The following MCF2L2 variants were observed in gnomAD, a reference collection of about 807,000 sequenced individuals.
The protein encoded by MCF2L2 is MCF.2 cell line derived transforming sequence-like 2.
In MCF2L2, 102 loss-of-function variants were observed where a neutral mutation model predicts 150.2. The observed-to-expected ratio is 0.68, with a 90% CI of 0.58 to 0.80. MCF2L2 has a LOEUF of 0.80. MCF2L2 is among the 30% of genes least tolerant of loss of function. MCF2L2 has a pLI of 0.00. For synonymous variants in MCF2L2, 465 were observed against 491.3 expected (o/e 0.95, Z 0.71); for missense variants, 1,256 against 1,372.8 (o/e 0.91, Z 1.34).
At position 183,297,018 on chromosome 3, in the gene MCF2L2, C is replaced by T. The variant is rs1193894302; in HGVS notation, c.1455G>A (p.Glu485=). 1 of 1,614,092 alleles carries T rather than the reference C, an allele frequency of 6.2e-7. No homozygotes were observed. The highest frequency in any genetic ancestry group is 8.5e-7 in the Non-Finnish European group (1 of 1,179,996). The change falls in exon 12 of 30, where the codon GAG becomes GAA. Residue 485 remains glutamate (E), a synonymous_variant. Coordinates refer to ENST00000328913, the MANE Select transcript of MCF2L2 (RefSeq NM_015078.4). The part of the protein sequence containing the change: ...VKEYPLLSPK[E]FYNEFELLLT... ...GCAGCAACTCAAACTCGTTGTAAAA[C>T]TCCTTGGGGCTGAGCAACGGGTACT... is the stretch of plus-strand genomic sequence containing the variant.
At chr3:183,269,783 A>C in intron 15 of MCF2L2, 2 of 1,582,762 alleles carry the variant, frequency 1.3e-6, no homozygotes, top group East Asian at 4.5e-5. Flanking sequence ...CTAACTAAAA[A>C]CAGACTTGAG....
At chr3:183,253,028 C>G (rs1310965801) in intron 15 of MCF2L2, among the ~76,000 whole-genome samples, 1 of 152,224 alleles carries the variant, frequency 6.6e-6, no homozygotes, top group Non-Finnish European at 1.5e-5. Flanking sequence ...TTCCAGTTGG[C>G]CATTTGAGTA....
intron 15 of MCF2L2, chr3:183,276,627 C>A: frequency 4.8e-6 from 2 of 418,996 alleles, no homozygotes; most frequent in Non-Finnish European, 8.5e-6. Flanking sequence ...CTTGATAGCC[C>A]AATTTTTTAA....
chr3:183,386,960 G>A (rs139034193), intron 2 of MCF2L2, among the ~76,000 whole-genome samples: 1 of 152,314 alleles, frequency 6.6e-6, no homozygotes, highest in East Asian at 1.9e-4. Context: ...TGCTTCATAA[G>A]AAAGGCAAAT....
intron 2 of MCF2L2, among the ~76,000 whole-genome samples, chr3:183,388,688 A>G (rs1391184139): frequency 2.0e-5 from 3 of 152,226 alleles, no homozygotes; most frequent in African/African-American, 7.2e-5. Context: ...TATGGCGGAA[A>G]GACCAGAGAA....
At chr3:183,276,795 A>C in intron 15 of MCF2L2, 77 bp downstream of exon 15, 1 of 912,154 alleles carries the variant, frequency 1.1e-6, no homozygotes, top group Non-Finnish European at 1.8e-6. Context: ...ACAGGTGCTG[A>C]GGTGTAAAAG....
intron 1 of MCF2L2, among the ~76,000 whole-genome samples, chr3:183,393,979 T>A (rs1344531851): frequency 1.3e-5 from 2 of 152,162 alleles, no homozygotes; most frequent in Non-Finnish European, 2.9e-5. Context: ...TCTGTCACAC[T>A]ATGATTTAAA....
intron 14 of MCF2L2, among the ~76,000 whole-genome samples, chr3:183,279,498 TTTC>T (rs1217299546): frequency 6.6e-6 from 1 of 152,186 alleles, no homozygotes; most frequent in Admixed American, 6.5e-5. Context: ...GCAACAATCG[TTTC>T]TTGTGACACT....
At chr3:183,203,117 G>A (rs1722348790) in intron 25 of MCF2L2, among the ~76,000 whole-genome samples, 1 of 152,126 alleles carries the variant, frequency 6.6e-6, no homozygotes, top group Admixed American at 6.6e-5. Context: ...GGAGGCTGAG[G>A]CAGAAGAATT....
intron 14 of MCF2L2, among the ~76,000 whole-genome samples, chr3:183,286,714 T>C (rs1037396819): frequency 1.7e-4 from 26 of 152,364 alleles, no homozygotes; most frequent in African/African-American, 6.3e-4. Context: ...TTCCTGCTCA[T>C]GTTGTTCATG....
chr3:183,212,051 G>A (rs1177122227), intron 22 of MCF2L2, among the ~76,000 whole-genome samples: 1 of 152,286 alleles, frequency 6.6e-6, no homozygotes, highest in South Asian at 2.1e-4. Flanking sequence ...GGAGACGCAC[G>A]CTGAGGGAAC....
intron 2 of MCF2L2, 135 bp downstream of exon 2, chr3:183,389,561 C>A: frequency 1.4e-6 from 1 of 700,976 alleles, no homozygotes; most frequent in Non-Finnish European, 2.5e-6. Flanking sequence ...TAGGCCTCAG[C>A]CTGTTCTAGT....
rs148759792 is a variant in MCF2L2 at position 183,299,961 on chromosome 3, A to G, written c.1305+44T>C. On this transcript the variant is annotated intron_variant, in intron 11 of 29. Transcript: ENST00000328913. ...ACGAGTATGATGGAAGCTTCTTCACAGAAAATCTTGCAGACATCATGTTCT... is the reference window on the plus strand; with the variant it reads ...ACGAGTATGATGGAAGCTTCTTCACGGAAAATCTTGCAGACATCATGTTCT... 5.5e-4 allele frequency: 877 copies of G among 1,587,434 alleles called. 8 individuals carry two copies. In the African/African-American group the frequency reaches 0.011, roughly 20 times the overall value.
intron 5 of MCF2L2, among the ~76,000 whole-genome samples, chr3:183,337,552 CAAAAA>C (rs61184812): frequency 1.4e-5 from 1 of 71,998 alleles, no homozygotes. Flanking sequence ...GACTCCATCT[CAAAAA>C]AAAAAAAAAA....
At chr3:183,258,025 T>A (rs1725220662) in intron 15 of MCF2L2, among the ~76,000 whole-genome samples, 1 of 121,030 alleles carries the variant, frequency 8.3e-6, no homozygotes, top group Non-Finnish European at 1.6e-5. Context: ...TGGAGTGCAA[T>A]GGTGCCATCT....
chr3:183,299,898 G>T, intron 11 of MCF2L2, 107 bp downstream of exon 11: 1 of 1,201,020 alleles, frequency 8.3e-7, no homozygotes. Context: ...TTCACATAAA[G>T]CACTCAAGCC....
intron 26 of MCF2L2, among the ~76,000 whole-genome samples, chr3:183,194,350 G>A (rs1002828074): frequency 1.1e-4 from 17 of 152,138 alleles, no homozygotes; most frequent in South Asian, 4.1e-4. Flanking sequence ...ATTGTAAGTC[G>A]CAGTAATAGA....
At chr3:183,272,851 C>T in intron 15 of MCF2L2, 3 of 1,255,412 alleles carry the variant, frequency 2.4e-6, no homozygotes, top group Non-Finnish European at 3.0e-6. Flanking sequence ...TGTCTCTGGC[C>T]ATCAAAGTGA....
In MCF2L2 at chr3:183,270,917, T is replaced by C; in HGVS notation, c.1862+5955A>G. On this transcript the variant is annotated intron_variant, in intron 15 of 29. Transcript: ENST00000328913. This position sits in a 1 kb window ranked among gnomAD's most constrained non-coding sequence, Gnocchi z 4.5. ...TTAGCTATGTGGACACATACCCTTG[T>C]AGGGCTGCGTTTATCTAATAGTACT... is the stretch of plus-strand genomic sequence containing the variant. 6.3e-7 allele frequency: 1 copy of C among 1,582,588 alleles called. No individual in the cohort carries two copies. The highest frequency in any genetic ancestry group is 8.6e-7 in the Non-Finnish European group (1 of 1,167,816).
Sources: allele counts gnomAD v4.1 joint callset (sites outside exome capture counted in the v4.1 genomes callset), GRCh38; gene constraint gnomAD v4.1.1; non-coding constraint Gnocchi (gnomAD v3.1); transcripts MANE v1.5; gene names NCBI Gene and HGNC (gene_info 2026-07-23, HGNC 2026-07-21).